MMS22L: variants seen among roughly 807,000 people sequenced by gnomAD.
MMS22L encodes the protein protein MMS22-like.
Under a neutral mutation model 159.1 loss-of-function variants are expected in MMS22L, and 74 were observed. That is an observed-to-expected ratio of 0.47 (90% confidence interval 0.39 to 0.56). MMS22L has a LOEUF of 0.56. MMS22L is among the 20% of genes least tolerant of loss of function. The pLI, the probability that MMS22L is intolerant of heterozygous loss-of-function variation, is 0.00. For missense variants in MMS22L, 1,351 were observed against 1,422.1 expected, an observed-to-expected ratio of 0.95 and a Z score of 0.80; for synonymous variants, 517 against 506.9, an observed-to-expected ratio of 1.02 and a Z score of -0.27.
At chr6:97,170,767 G>A (rs1803460451) in intron 19 of MMS22L, among the ~76,000 whole-genome samples, 1 of 152,162 alleles carries the variant, frequency 6.6e-6, no homozygotes, top group Admixed American at 6.5e-5. Context: ...AGCACTTTGG[G>A]AGGCTGAGGC....
intron 18 of MMS22L, among the ~76,000 whole-genome samples, chr6:97,173,450 A>C (rs958908158): frequency 1.3e-5 from 2 of 152,126 alleles, no homozygotes; most frequent in African/African-American, 4.8e-5. Context: ...AAATCTTAAA[A>C]ACTCACCAAT....
intron 19 of MMS22L, among the ~76,000 whole-genome samples, chr6:97,169,918 C>G (rs767798833): frequency 7.2e-5 from 11 of 151,920 alleles, no homozygotes; most frequent in Non-Finnish European, 1.5e-4. Context: ...TAGGGTACCA[C>G]GTGGTATAGT....
chr6:97,246,502 A>T, intron 11 of MMS22L, 126 bp downstream of exon 11: 1 of 676,678 alleles, frequency 1.5e-6, no homozygotes, highest in Non-Finnish European at 2.5e-6. Context: ...ACTGTGAGTT[A>T]ACCCTTCAAA....
intron 6 of MMS22L, chr6:97,270,351 AT>A (rs139724347): frequency 4.0e-5 from 18 of 452,206 alleles, no homozygotes; most frequent in Admixed American, 7.3e-5. Context: ...TAGCTAGGAA[AT>A]TTTTTTTAAT....
intron 23 of MMS22L, among the ~76,000 whole-genome samples, chr6:97,150,811 TA>T (rs1208477426): frequency 3.9e-5 from 6 of 152,190 alleles, no homozygotes; most frequent in Admixed American, 3.9e-4. Context: ...ATGGTAGTGG[TA>T]AGGCAGAGAT....
intron 14 of MMS22L, among the ~76,000 whole-genome samples, chr6:97,204,630 A>C (rs1156578166): frequency 6.6e-6 from 1 of 151,812 alleles, no homozygotes; most frequent in Non-Finnish European, 1.5e-5. Context: ...ACCTCTAAAA[A>C]TATTAGGCGG....
Position 97,178,542 on chromosome 6 carries a change from T to C in MMS22L, c.2580A>G (p.Leu860=), listed in dbSNP as rs2128267364. ...TACTCTTTACTTCTGAGAGATTAAA[T>C]AGTAATCTTGTCAGTTTGACCAACT... is the stretch of plus-strand genomic sequence containing the variant. ...MKQLVKLTRL[L]FNLSEVKSIF... Residue 860 remains leucine (L), a synonymous_variant, in exon 18 of 25, where the codon CTA becomes CTG. Transcript: ENST00000683635. The C allele has an allele frequency of 2.6e-6, 4 of 1,568,272 alleles. No homozygotes were observed. Among genetic ancestry groups the C allele is most frequent in the Non-Finnish European group, 3.5e-6 (4 of 1,145,726 alleles).
At position 97,263,366 on chromosome 6, in the gene MMS22L, A is replaced by C; in HGVS notation, c.911T>G (p.Leu304Arg). 1 of 1,591,962 alleles carries C rather than the reference A, an allele frequency of 6.3e-7. No individual in the cohort carries two copies. Among genetic ancestry groups the C allele is most frequent in the Non-Finnish European group, 8.5e-7 (1 of 1,172,536 alleles). Residue 304 changes from leucine to arginine, a missense_variant, in exon 9 of 25, where the codon CTA (leucine) becomes CGA (arginine). Coordinates refer to ENST00000683635, the MANE Select transcript of MMS22L (RefSeq NM_001350599.2). ...KELWVLLIHL[L>R]DHRSKWFVSE... ...GACAAACCATTTACTTCTGTGGTCT[A>C]GAAGATGAATAAGTAGAACCCATAA...
At chr6:97,216,472 C>T (rs899928274) in intron 14 of MMS22L, among the ~76,000 whole-genome samples, 1 of 152,104 alleles carries the variant, frequency 6.6e-6, no homozygotes, top group Non-Finnish European at 1.5e-5. Context: ...TAACCAAAAG[C>T]CACAATGCCA....
chr6:97,202,090 C>A lies in MMS22L; in HGVS notation c.2040-15400G>T, dbSNP rs188620075. Among the ~76,000 whole-genome samples, 86 of 152,268 alleles carry A rather than the reference C, an allele frequency of 5.6e-4. 1 individual carries two copies. Among genetic ancestry groups the A allele is most frequent in the Admixed American group, 2.8e-3 (43 of 15,280 alleles). On this transcript the variant is annotated intron_variant, in intron 14 of 24. Coordinates refer to ENST00000683635, the MANE Select transcript of MMS22L (RefSeq NM_001350599.2). The stretch of plus-strand genomic sequence containing the variant: ...ACTGTATTCTTCTTATAACAACATA[C>A]CTTTGTCTTTTACTTAGCACTTAAC...
intron 14 of MMS22L, among the ~76,000 whole-genome samples, chr6:97,187,928 A>T (rs1352052210): frequency 1.3e-5 from 2 of 152,200 alleles, no homozygotes; most frequent in African/African-American, 4.8e-5. Flanking sequence ...AAATTATGGG[A>T]TATTACTTAA....
intron 10 of MMS22L, among the ~76,000 whole-genome samples, chr6:97,248,154 A>G (rs1395195727): frequency 6.6e-6 from 1 of 152,242 alleles, no homozygotes; most frequent in Admixed American, 6.5e-5. Context: ...TTCCATCTTT[A>G]TGACACTCTG....
chr6:97,278,923 A>G, intron 3 of MMS22L, 25 bp from the exon 4 acceptor site: 1 of 1,602,156 alleles, frequency 6.2e-7, no homozygotes, highest in Non-Finnish European at 8.5e-7. Context: ...GTAAGGTGAG[A>G]GTTAATTTTA....
chr6:97,186,982 C>G (rs1004083756), intron 14 of MMS22L, among the ~76,000 whole-genome samples: 2 of 152,118 alleles, frequency 1.3e-5, no homozygotes, highest in African/African-American at 4.8e-5. Flanking sequence ...CATTTTGCAA[C>G]TCACACATGA....
intron 9 of MMS22L, chr6:97,260,700 C>T (rs1253838040): frequency 6.6e-6 from 1 of 152,102 alleles, no homozygotes; most frequent in Non-Finnish European, 1.5e-5. Flanking sequence ...GTTATCAAAT[C>T]TGTTTTCTTC....
chr6:97,234,457 A>C (rs2128007080), intron 11 of MMS22L, among the ~76,000 whole-genome samples: 1 of 152,286 alleles, frequency 6.6e-6, no homozygotes, highest in South Asian at 2.1e-4. Context: ...CTTTTAGGAG[A>C]TAACAGGAGG....
Position 97,146,623 on chromosome 6 carries a change from C to G in MMS22L, c.*183G>C. ...AAAAAGTTCCAAGGATCCTATTACA[C>G]AGTTGCTAATTAACCTTCAGTTCCT... is the stretch of plus-strand genomic sequence containing the variant. On this transcript the variant is annotated 3_prime_UTR_variant, in exon 25 of 25. Transcript: ENST00000683635. 1 of 420,086 alleles carries G rather than the reference C, an allele frequency of 2.4e-6. No individual in the cohort carries two copies. Among genetic ancestry groups the G allele is most frequent in the South Asian group, 4.5e-5 (1 of 22,404 alleles). 26.0% of individuals were successfully genotyped at this position (420,086 alleles called of 1,614,324 possible).
rs778824081 is a variant in MMS22L at position 97,173,226 on chromosome 6, T to C, written c.2680-4A>G. 6.2e-7 allele frequency: 1 copy of C among 1,603,618 alleles called. No homozygotes were observed. Among genetic ancestry groups the C allele is most frequent in the African/African-American group, 1.4e-5 (1 of 74,058 alleles). On this transcript the variant is annotated splice_polypyrimidine_tract_variant and splice_region_variant and intron_variant, in intron 18 of 24. Transcript: ENST00000683635. ...TCCCGTAAGTTACACCAACAGCCTA[T>C]AAATAAAGAAAAACATTATTTAACT...
intron 20 of MMS22L, among the ~76,000 whole-genome samples, chr6:97,166,648 C>T (rs995936270): frequency 2.6e-5 from 4 of 152,056 alleles, no homozygotes; most frequent in Admixed American, 6.6e-5. Flanking sequence ...AGCTGGGTAC[C>T]ATGAAGAAAT....
Sources: gnomAD v4.1 joint callset for allele counts (sites outside exome capture counted in the v4.1 genomes callset) on GRCh38, gnomAD v4.1.1 for gene constraint, MANE v1.5 for transcripts, NCBI Gene and HGNC (gene_info 2026-07-23, HGNC 2026-07-21) for gene names.